FYB1: variants seen among roughly 807,000 people sequenced by gnomAD.
The protein encoded by FYB1 is FYN binding protein 1, also known as FYN-binding protein 1.
Under a neutral mutation model 94.1 loss-of-function variants are expected in FYB1, and 41 were observed. The ratio of observed to expected loss-of-function variants is 0.44; its 90% CI spans 0.34 to 0.57. The LOEUF (loss-of-function observed/expected upper bound fraction) is 0.57. Ranked by LOEUF, FYB1 falls within the 20% of genes least tolerant of loss-of-function variation. FYB1 has a pLI of 0.02. For missense variants in FYB1, 1,050 were observed against 976.8 expected (o/e 1.07, Z -1.00); for synonymous variants, 367 against 353.2 (o/e 1.04, Z -0.44).
At position 39,145,406 on chromosome 5, in the gene FYB1, A is replaced by G. The variant is rs141600099; in HGVS notation, c.1293-4265T>C. Among the ~76,000 whole-genome samples the G allele has an allele frequency of 2.5e-3, 381 of 152,322 alleles. 1 individual carries two copies. Among genetic ancestry groups the G allele is most frequent in the Non-Finnish European group, 3.7e-3 (249 of 68,026 alleles). On this transcript the variant is annotated intron_variant, in intron 3 of 18. Coordinates refer to ENST00000512982, the MANE Select transcript of FYB1 (RefSeq NM_001465.6). ...TGAAACATCGCAAGAAGTTTCATTA[A>G]CCACATTTATAAACAGAACTATTGA...
intron 3 of FYB1, among the ~76,000 whole-genome samples, chr5:39,147,971 C>T (rs150578998): frequency 0.038 from 5,207 of 136,040 alleles, 324 homozygotes; most frequent in African/African-American, 0.13. Flanking sequence ...TGAGCCACCG[C>T]GCCCGGCAAG....
At chr5:39,116,906 T>G (rs1043405640) in intron 16 of FYB1, among the ~76,000 whole-genome samples, 1 of 152,138 alleles carries the variant, frequency 6.6e-6, no homozygotes, top group Non-Finnish European at 1.5e-5. Flanking sequence ...TTGATCTGTA[T>G]GCACTTCAAA....
chr5:39,174,175 G>C (rs1287132731), intron 2 of FYB1, among the ~76,000 whole-genome samples: 1 of 152,106 alleles, frequency 6.6e-6, no homozygotes, highest in Admixed American at 6.6e-5. Context: ...TCCTTGGTTA[G>C]ATGAATTCCT....
intron 16 of FYB1, among the ~76,000 whole-genome samples, chr5:39,112,979 GGGC>G (rs1739209188): frequency 6.6e-6 from 1 of 152,156 alleles, no homozygotes; most frequent in South Asian, 2.1e-4. Context: ...TGATAACACG[GGGC>G]TTGTTAGCTA....
intron 3 of FYB1, among the ~76,000 whole-genome samples, chr5:39,152,585 A>G (rs931795012): frequency 2.6e-5 from 4 of 152,152 alleles, no homozygotes; most frequent in Admixed American, 6.5e-5. Context: ...TGTCTTAAGG[A>G]TTTATGCTTG....
chr5:39,154,504 CTTT>C (rs70982546), intron 2 of FYB1, among the ~76,000 whole-genome samples: 6 of 141,386 alleles, frequency 4.2e-5, no homozygotes, highest in Admixed American at 7.1e-5. Flanking sequence ...AACCATTTTC[CTTT>C]TTTTTTTTTT....
chr5:39,238,875 A>T (rs1330592649), intron 1 of FYB1, among the ~76,000 whole-genome samples: 1 of 151,910 alleles, frequency 6.6e-6, no homozygotes, highest in Non-Finnish European at 1.5e-5. Flanking sequence ...ACACGTGAAA[A>T]CCTCTTTGTG....
intron 3 of FYB1, among the ~76,000 whole-genome samples, chr5:39,144,286 A>G (rs1654303082): frequency 6.6e-6 from 1 of 152,198 alleles, no homozygotes; most frequent in South Asian, 2.1e-4. Context: ...ATAAAAGAAT[A>G]CACCAAAAAA....
intron 1 of FYB1, among the ~76,000 whole-genome samples, chr5:39,233,915 G>C (rs898979777): frequency 2.6e-5 from 4 of 152,118 alleles, no homozygotes; most frequent in African/African-American, 9.7e-5. Flanking sequence ...TTATTGTGTA[G>C]GTAGTTTTGA....
intron 2 of FYB1, among the ~76,000 whole-genome samples, chr5:39,158,302 A>G (rs1743938374): frequency 6.6e-6 from 1 of 152,266 alleles, no homozygotes; most frequent in African/African-American, 2.4e-5. Flanking sequence ...GGGCCATTTT[A>G]TCATGAGGAA....
chr5:39,127,538 C>A (rs1348117010), intron 11 of FYB1, among the ~76,000 whole-genome samples: 1 of 148,142 alleles, frequency 6.8e-6, no homozygotes, highest in Non-Finnish European at 1.5e-5. Flanking sequence ...TATTGAAGTT[C>A]TTCCAAACAA....
At chr5:39,130,499 T>G (rs1030287757) in intron 10 of FYB1, 91 bp downstream of exon 10, 1 of 964,102 alleles carries the variant, frequency 1.0e-6, no homozygotes, top group Non-Finnish European at 1.6e-6. Flanking sequence ...ACACATTCTA[T>G]GCATGTAACA....
chr5:39,177,454 T>C (rs79196293), intron 2 of FYB1, among the ~76,000 whole-genome samples: 2 of 152,306 alleles, frequency 1.3e-5, no homozygotes, highest in East Asian at 3.9e-4. Flanking sequence ...AAGTTATTTG[T>C]CCCAGGTCTC....
At chr5:39,240,102 G>C (rs1261674480) in intron 1 of FYB1, among the ~76,000 whole-genome samples, 1 of 152,130 alleles carries the variant, frequency 6.6e-6, no homozygotes, top group African/African-American at 2.4e-5. Flanking sequence ...AAATGGTGCT[G>C]GGATAACTTG....
intron 14 of FYB1, among the ~76,000 whole-genome samples, chr5:39,120,934 G>A (rs944113126): frequency 2.6e-5 from 4 of 151,760 alleles, no homozygotes; most frequent in Admixed American, 6.6e-5. Flanking sequence ...CAGAATATAC[G>A]TGAAAGTTAG....
Position 39,202,797 on chromosome 5 carries a change from G to C in FYB1, c.164C>G (p.Pro55Arg), listed in dbSNP as rs1748486063. 7 of 1,613,830 alleles carry C rather than the reference G, an allele frequency of 4.3e-6. No individual in the cohort carries two copies. Among genetic ancestry groups the C allele is most frequent in the Non-Finnish European group, 5.1e-6 (6 of 1,179,882 alleles). ...AGGTGGCTTTGGGGACCCAAACTTAGGTACATTGCTGGGTCCTGCAGGAGG... is the reference window on the plus strand; with the variant it reads ...AGGTGGCTTTGGGGACCCAAACTTACGTACATTGCTGGGTCCTGCAGGAGG... ...ASPPAGPSNVPKFGSPKPPVA... is the reference protein window; with the variant it reads ...ASPPAGPSNVRKFGSPKPPVA... The change falls in exon 2 of 19, where the codon CCT becomes CGT. Residue 55 changes from proline (P) to arginine (R), a missense_variant. Physicochemically the swap from Pro to Arg is moderately radical, Grantham distance 103. Coordinates refer to ENST00000512982, the MANE Select transcript of FYB1 (RefSeq NM_001465.6).
chr5:39,231,464 C>G (rs928246741), intron 1 of FYB1, among the ~76,000 whole-genome samples: 2 of 152,054 alleles, frequency 1.3e-5, no homozygotes, highest in Non-Finnish European at 2.9e-5. Context: ...AAACCCAAGG[C>G]TATTTGGAAA....
intron 2 of FYB1, among the ~76,000 whole-genome samples, chr5:39,158,290 C>T (rs956817261): frequency 6.6e-5 from 10 of 152,198 alleles, no homozygotes; most frequent in African/African-American, 1.7e-4. Context: ...GGCGGAGCAC[C>T]GGGGCCATTT....
chr5:39,242,597 C>T (rs957373443), intron 1 of FYB1, among the ~76,000 whole-genome samples: 2 of 152,054 alleles, frequency 1.3e-5, no homozygotes, highest in Non-Finnish European at 2.9e-5. Flanking sequence ...CCACAATAAA[C>T]ATATGTGTGC....
Sources: gnomAD v4.1 joint callset for allele counts (sites outside exome capture counted in the v4.1 genomes callset) on GRCh38, gnomAD v4.1.1 for gene constraint, MANE v1.5 for transcripts, NCBI Gene and HGNC (gene_info 2026-07-23, HGNC 2026-07-21) for gene names.